The following VWA3B variants were observed in gnomAD, a reference collection of about 807,000 sequenced individuals.
The protein encoded by VWA3B is von Willebrand factor A domain-containing protein 3B.
Under a neutral mutation model 158.3 loss-of-function variants are expected in VWA3B, and 138 were observed. The ratio of observed to expected loss-of-function variants is 0.87; its 90% CI spans 0.76 to 1.00. The LOEUF is 1.00. VWA3B is among the 50% of genes least tolerant of loss of function. VWA3B has a pLI of 0.00. For missense variants in VWA3B, 1,555 were observed against 1,565.1 expected, an observed-to-expected ratio of 0.99 and a Z score of 0.11; for synonymous variants, 596 against 587.3, an observed-to-expected ratio of 1.01 and a Z score of -0.21.
At chr2:98,096,757 A>C (rs1682742735) in intron 2 of VWA3B, among the ~76,000 whole-genome samples, 1 of 152,068 alleles carries the variant, frequency 6.6e-6, no homozygotes, top group Non-Finnish European at 1.5e-5. Context: ...CTGTGGCATC[A>C]GTTGTAATTT....
chr2:98,226,857 A>G (rs1684954263), intron 14 of VWA3B, among the ~76,000 whole-genome samples: 1 of 152,230 alleles, frequency 6.6e-6, no homozygotes, highest in Non-Finnish European at 1.5e-5. Flanking sequence ...CCTTCAGGTT[A>G]AAAACTCTCC....
intron 22 of VWA3B, among the ~76,000 whole-genome samples, chr2:98,282,432 C>CT (rs759230723): frequency 0.059 from 7,421 of 124,732 alleles, 394 homozygotes; most frequent in African/African-American, 0.12. Flanking sequence ...ACATGAATTA[C>CT]TTTTTTTTTT....
intron 22 of VWA3B, among the ~76,000 whole-genome samples, chr2:98,282,736 G>A (rs1046290556): frequency 1.3e-5 from 2 of 152,178 alleles, no homozygotes; most frequent in African/African-American, 4.8e-5. Flanking sequence ...ACCGTTCACA[G>A]CCAACATGAA....
At chr2:98,142,439 T>G (rs1676852654) in intron 7 of VWA3B, among the ~76,000 whole-genome samples, 1 of 152,188 alleles carries the variant, frequency 6.6e-6, no homozygotes, top group Non-Finnish European at 1.5e-5. Flanking sequence ...CAAAGCTACC[T>G]GCTTTGTAAA....
chr2:98,222,683 C>T (rs369467953), intron 14 of VWA3B, among the ~76,000 whole-genome samples: 2 of 152,146 alleles, frequency 1.3e-5, no homozygotes, highest in Non-Finnish European at 2.9e-5. Flanking sequence ...CGGAGGGAAA[C>T]GCCTCCTGTC....
intron 8 of VWA3B, among the ~76,000 whole-genome samples, chr2:98,165,311 C>T (rs1678975626): frequency 6.6e-6 from 1 of 152,224 alleles, no homozygotes; most frequent in Non-Finnish European, 1.5e-5. Context: ...GGCTACACAG[C>T]TAATGAGATG....
At chr2:98,179,696 T>C (rs1163691826) in intron 8 of VWA3B, among the ~76,000 whole-genome samples, 1 of 151,992 alleles carries the variant, frequency 6.6e-6, no homozygotes, top group Non-Finnish European at 1.5e-5. Flanking sequence ...TCTCTTCCTT[T>C]CTTTTTCTTT....
At chr2:98,286,319 G>A (rs979402566) in intron 22 of VWA3B, among the ~76,000 whole-genome samples, 6 of 152,140 alleles carry the variant, frequency 3.9e-5, no homozygotes, top group African/African-American at 1.4e-4. Context: ...AATAGAAGTG[G>A]TGAGAGTGCC....
the VWA3B span, among the ~76,000 whole-genome samples, chr2:98,319,063 T>G: frequency 6.6e-6 from 1 of 152,228 alleles, no homozygotes; most frequent in African/African-American, 2.4e-5. Flanking sequence ...TACAGAGGAC[T>G]GGCTATATTT....
intron 8 of VWA3B, among the ~76,000 whole-genome samples, chr2:98,166,619 C>T (rs954662402): frequency 6.6e-6 from 1 of 152,156 alleles, no homozygotes; most frequent in African/African-American, 2.4e-5. Context: ...TTTAAGCCCC[C>T]CAGCCTCTGG....
At chr2:98,214,185 T>C (rs1683778518) in intron 13 of VWA3B, among the ~76,000 whole-genome samples, 1 of 150,764 alleles carries the variant, frequency 6.6e-6, no homozygotes, top group African/African-American at 2.4e-5. Context: ...AGCGAGTCCC[T>C]GTCTCTAAGA....
intron 19 of VWA3B, among the ~76,000 whole-genome samples, chr2:98,246,454 T>C (rs1320169382): frequency 6.6e-6 from 1 of 152,156 alleles, no homozygotes; most frequent in Non-Finnish European, 1.5e-5. Context: ...CTCGGCTCAC[T>C]GCAACCTCCA....
chr2:98,170,903 C>A (rs1274417532), intron 8 of VWA3B, among the ~76,000 whole-genome samples: 2 of 152,276 alleles, frequency 1.3e-5, no homozygotes, highest in East Asian at 3.9e-4. Context: ...CCGTGCCCGA[C>A]CAGAACAATA....
At chr2:98,132,062 C>T (rs1374266926) in intron 6 of VWA3B, among the ~76,000 whole-genome samples, 2 of 152,188 alleles carry the variant, frequency 1.3e-5, no homozygotes, top group African/African-American at 2.4e-5. Flanking sequence ...AGGCAACTGG[C>T]CAGTCACCTC....
At chr2:98,309,472 C>T (rs572580265) in intron 26 of VWA3B, among the ~76,000 whole-genome samples, 1 of 152,290 alleles carries the variant, frequency 6.6e-6, no homozygotes, top group East Asian at 1.9e-4. Flanking sequence ...GGTCTCTGGT[C>T]AACCCCTGTT....
In VWA3B at chr2:98,294,098, T is replaced by C. The variant is rs533613347; in HGVS notation, c.3157+3476T>C. On this transcript the variant is annotated intron_variant, in intron 23 of 27. Coordinates refer to ENST00000477737, the MANE Select transcript of VWA3B (RefSeq NM_144992.5). ...AGTGATGTCATGGCCCTCTGGGTCA[T>C]CCCGTCTAGAGGCACGTGATGCTCA... is the stretch of plus-strand genomic sequence containing the variant. 2.8e-3 allele frequency among the ~76,000 whole-genome samples: 415 copies of C among 146,808 alleles called. 3 individuals carry two copies. The Middle Eastern group carries it at 0.054, about 19-fold the overall frequency.
intron 1 of VWA3B, among the ~76,000 whole-genome samples, chr2:98,090,902 T>C (rs544704866): frequency 1.5e-4 from 22 of 151,226 alleles, no homozygotes; most frequent in East Asian, 9.8e-4. Flanking sequence ...ACTACAGGCA[T>C]GCACCACCAT....
chr2:98,319,581 A>AAT, the VWA3B span, among the ~76,000 whole-genome samples: 3 of 152,306 alleles, frequency 2.0e-5, no homozygotes, highest in Middle Eastern at 3.4e-3. Context: ...GAGAAAAACA[A>AAT]ATTAAAACTA....
intron 12 of VWA3B, among the ~76,000 whole-genome samples, chr2:98,195,394 A>T (rs1681957099): frequency 6.6e-6 from 1 of 152,216 alleles, no homozygotes; most frequent in African/African-American, 2.4e-5. Context: ...GATCATTGAG[A>T]TGCACCAGGG....
Sources: allele counts gnomAD v4.1 joint callset (sites outside exome capture counted in the v4.1 genomes callset), GRCh38; gene constraint gnomAD v4.1.1; transcripts MANE v1.5; gene names NCBI Gene and HGNC (gene_info 2026-07-23, HGNC 2026-07-21).